The following RXFP1 variants were observed in gnomAD, a reference collection of about 807,000 sequenced individuals.
RXFP1 encodes the protein relaxin receptor 1.
Under a neutral mutation model 89.8 loss-of-function variants are expected in RXFP1, and 73 were observed. The ratio of observed to expected loss-of-function variants is 0.81; its 90% CI spans 0.67 to 0.99. The LOEUF is 0.99. RXFP1 is among the 50% of genes least tolerant of loss of function. The pLI is 0.00. For synonymous variants in RXFP1, 277 were observed against 305.5 expected, an observed-to-expected ratio of 0.91 and a Z score of 0.97; for missense variants, 793 against 895.5, an observed-to-expected ratio of 0.89 and a Z score of 1.46.
intron 2 of RXFP1, among the ~76,000 whole-genome samples, chr4:158,575,852 T>A (rs1456725391): frequency 6.6e-6 from 1 of 152,258 alleles, no homozygotes; most frequent in African/African-American, 2.4e-5. Flanking sequence ...GCTGTAATTA[T>A]ATTACAAACA....
chr4:158,646,531 TG>T, intron 15 of RXFP1: 1 of 1,290,338 alleles, frequency 7.7e-7, no homozygotes, highest in Non-Finnish European at 9.9e-7. Flanking sequence ...AGATCTGTGC[TG>T]TTAGAGACTT....
intron 2 of RXFP1, among the ~76,000 whole-genome samples, chr4:158,585,938 C>T (rs1038519042): frequency 6.6e-6 from 1 of 152,178 alleles, no homozygotes; most frequent in African/African-American, 2.4e-5. Context: ...CAATACACTC[C>T]GAGTCACAGG....
intron 2 of RXFP1, among the ~76,000 whole-genome samples, chr4:158,592,598 T>C (rs994496861): frequency 8.6e-5 from 13 of 151,956 alleles, no homozygotes; most frequent in African/African-American, 3.1e-4. Context: ...TAAAGTAACA[T>C]AAAAAAAGTT....
At chr4:158,608,349 G>C (rs547468062) in intron 6 of RXFP1, among the ~76,000 whole-genome samples, 5 of 131,786 alleles carry the variant, frequency 3.8e-5, no homozygotes, top group African/African-American at 1.2e-4. Context: ...GTGCAGTGGC[G>C]CAATCTCAGC....
chr4:158,567,823 G>C (rs1418719368), intron 1 of RXFP1, among the ~76,000 whole-genome samples: 3 of 152,198 alleles, frequency 2.0e-5, no homozygotes, highest in Non-Finnish European at 1.5e-5. Flanking sequence ...CCAATCAGCA[G>C]GATGTGGGTG....
At chr4:158,521,814 A>G (rs1453226319), upstream of RXFP1, 1 of 560,964 alleles carries the variant, frequency 1.8e-6, no homozygotes, top group African/African-American at 1.9e-5. Context: ...GAGGAATGGA[A>G]AGAGACAGAG....
intron 1 of RXFP1, among the ~76,000 whole-genome samples, chr4:158,532,658 C>G (rs1025945552): frequency 6.6e-6 from 1 of 152,136 alleles, no homozygotes. Context: ...AACCACTTTT[C>G]CACATTGTCC....
intron 1 of RXFP1, among the ~76,000 whole-genome samples, chr4:158,534,926 ATTG>A (rs1744947763): frequency 6.8e-6 from 1 of 147,804 alleles, no homozygotes; most frequent in South Asian, 2.1e-4. Context: ...AATAATTTAT[ATTG>A]TTATATTAAT....
At chr4:158,546,991 T>C (rs980220187) in intron 1 of RXFP1, among the ~76,000 whole-genome samples, 8 of 152,118 alleles carry the variant, frequency 5.3e-5, no homozygotes, top group Non-Finnish European at 1.2e-4. Flanking sequence ...ATTCCCTCTT[T>C]TTCTATTGAT....
chr4:158,527,579 G>GTA (rs1281201127), intron 1 of RXFP1, among the ~76,000 whole-genome samples: 2 of 34,296 alleles, frequency 5.8e-5, no homozygotes, highest in Non-Finnish European at 9.6e-5. Context: ...ATATATATAT[G>GTA]TATATATATA....
chr4:158,569,593 T>G (rs887620616), intron 1 of RXFP1, among the ~76,000 whole-genome samples: 1 of 152,232 alleles, frequency 6.6e-6, no homozygotes, highest in East Asian at 1.9e-4. Context: ...AAGGTCTACT[T>G]TTTAAAATGG....
chr4:158,533,559 T>C (rs572310289), intron 1 of RXFP1, among the ~76,000 whole-genome samples: 1 of 152,322 alleles, frequency 6.6e-6, no homozygotes, highest in South Asian at 2.1e-4. Context: ...TATTTACCCT[T>C]ACTCTCAAGA....
At chr4:158,546,145 C>G (rs919548208) in intron 1 of RXFP1, among the ~76,000 whole-genome samples, 141 of 152,080 alleles carry the variant, frequency 9.3e-4, no homozygotes, top group African/African-American at 3.0e-3. Context: ...GTTTGTAGTT[C>G]TCCTTGAAGA....
Position 158,631,714 on chromosome 4 carries a change from G to A in RXFP1, c.900-1691G>A, listed in dbSNP as rs139591362. Among the ~76,000 whole-genome samples, 608 of 152,272 alleles carry A rather than the reference G, an allele frequency of 4.0e-3. 4 individuals are homozygous for A. Among genetic ancestry groups the A allele is most frequent in the Non-Finnish European group, 6.0e-3 (408 of 68,016 alleles). On this transcript the variant is annotated intron_variant, in intron 11 of 17. Transcript: ENST00000307765. ...GGATTAAAATACTGAAGTGCATTCG[G>A]GTCATGGTGAAAAGTTACTTTGGAT...
chr4:158,586,451 T>C (rs550339647), intron 2 of RXFP1, among the ~76,000 whole-genome samples: 1 of 152,294 alleles, frequency 6.6e-6, no homozygotes, highest in African/African-American at 2.4e-5. Flanking sequence ...CCCAATATTC[T>C]CTTCTGTGCG....
intron 1 of RXFP1, among the ~76,000 whole-genome samples, chr4:158,532,126 C>T (rs1034961189): frequency 1.3e-5 from 2 of 152,066 alleles, no homozygotes; most frequent in African/African-American, 4.8e-5. Flanking sequence ...TGTCCCCATC[C>T]TTTTGTGCGT....
At position 158,639,323 on chromosome 4, in the gene RXFP1, C is replaced by G; in HGVS notation, c.1107C>G (p.Leu369=). 2.6e-6 allele frequency: 4 copies of G among 1,519,706 alleles called. No individual in the cohort carries two copies. The highest frequency in any genetic ancestry group is 2.2e-5 in the South Asian group (2 of 89,050). The allele number at this position is 1,519,706 out of a possible 1,614,324, so 94.1% of individuals were successfully genotyped here. The part of the protein sequence containing the change: ...QQRMFRPLMN[L]SHIYFKKFQY... ...GGATGTTTAGACCTCTTATGAATCTCTCTCACATGTAAGTAGATATTTTAT... is the reference window on the plus strand; with the variant it reads ...GGATGTTTAGACCTCTTATGAATCTGTCTCACATGTAAGTAGATATTTTAT... The change falls in exon 14 of 18, where the codon CTC becomes CTG. Residue 369 remains leucine (L), a synonymous_variant. Coordinates refer to ENST00000307765, the MANE Select transcript of RXFP1 (RefSeq NM_021634.4).
At chr4:158,623,502 C>CAAAAA (rs56692438) in intron 9 of RXFP1, among the ~76,000 whole-genome samples, 1,285 of 42,598 alleles carry the variant, frequency 0.03, 116 homozygotes, top group Middle Eastern at 0.056. Flanking sequence ...AACTCCATCT[C>CAAAAA]AAAAAAAAAA....
intron 1 of RXFP1, among the ~76,000 whole-genome samples, chr4:158,525,072 A>T (rs1406614997): frequency 6.6e-6 from 1 of 152,160 alleles, no homozygotes; most frequent in South Asian, 2.1e-4. Flanking sequence ...AGAGAAAAGG[A>T]AGAGACAATT....
Sources: allele counts gnomAD v4.1 joint callset (sites outside exome capture counted in the v4.1 genomes callset), GRCh38; gene constraint gnomAD v4.1.1; transcripts MANE v1.5; gene names NCBI Gene and HGNC (gene_info 2026-07-23, HGNC 2026-07-21).